ATP1B2: variants seen among roughly 807,000 people sequenced by gnomAD.
ATP1B2 encodes the protein sodium/potassium-transporting ATPase subunit beta-2.
In ATP1B2, 12 loss-of-function variants were observed where a neutral mutation model predicts 37.3. The observed-to-expected ratio is 0.32, with a 90% CI of 0.21 to 0.52. The LOEUF (loss-of-function observed/expected upper bound fraction) is 0.52, where lower values mean the gene tolerates loss of function less well. Among genes scored for constraint, ATP1B2 ranks in the 20% least tolerant of loss-of-function variants. The pLI is 0.96. For synonymous variants in ATP1B2, 139 were observed against 140.5 expected (o/e 0.99, Z 0.07); for missense variants, 324 against 391.6 (o/e 0.83, Z 1.46).
At position 7,651,164 on chromosome 17, in the gene ATP1B2, T is replaced by G; in HGVS notation, c.-355T>G. The G allele has an allele frequency of 4.1e-6, 1 of 244,920 alleles. No individual in the cohort carries two copies. The highest frequency in any genetic ancestry group is 8.1e-6 in the Non-Finnish European group (1 of 123,662). 15.2% of individuals were successfully genotyped at this position (244,920 alleles called of 1,614,324 possible). ...GCTTTTTTTCTGCGTTCTGCTCGGT[T>G]TTTGTAGCCGTCTGTTTTTGCACCC... is the stretch of plus-strand genomic sequence containing the variant. On this transcript the variant is annotated 5_prime_UTR_variant, in exon 1 of 7. Coordinates refer to ENST00000250111, the MANE Select transcript of ATP1B2 (RefSeq NM_001678.5).
Position 7,654,691 on chromosome 17 carries a change from T to G in ATP1B2, c.609+7T>G. ...TGTTACCTGTGCTGGGAAGGTGAGT[T>G]CGTTGGGCCTTGTCTGCCTGCTCAC... On this transcript the variant is annotated splice_region_variant and intron_variant, in intron 5 of 6. Transcript: ENST00000250111. The surrounding 1 kb of genome is among the most constrained non-coding windows in gnomAD (Gnocchi z 4.9). 1 of 1,614,110 alleles carries G rather than the reference T, an allele frequency of 6.2e-7. No homozygotes were observed. The highest frequency in any genetic ancestry group is 1.1e-5 in the South Asian group (1 of 91,086).
upstream of ATP1B2, among the ~76,000 whole-genome samples, chr17:7,649,631 C>T (rs1046749186): frequency 1.3e-5 from 2 of 151,776 alleles, no homozygotes; most frequent in African/African-American, 4.8e-5. Flanking sequence ...CGGCTCACTG[C>T]AAGCTCCGCC....
At chr17:7,648,890 C>T (rs979356002), upstream of ATP1B2, among the ~76,000 whole-genome samples, 1 of 152,094 alleles carries the variant, frequency 6.6e-6, no homozygotes, top group African/African-American at 2.4e-5. Flanking sequence ...ACCTCCTTTC[C>T]CACTAGTCTC....
In ATP1B2 at chr17:7,653,422, T is replaced by C. The variant is rs201156907; in HGVS notation, c.161T>C (p.Met54Thr). ...GTTTTTTATGGGTTCCTCACCGCCA[T>C]GTTCACCCTCACCATGTGGGTGATG... Reference protein sequence around the residue: ...YLVFYGFLTAMFTLTMWVMLQ... With the variant: ...YLVFYGFLTATFTLTMWVMLQ... Residue 54 changes from methionine (M) to threonine (T), a missense_variant, in exon 2 of 7, where the codon ATG becomes ACG. Met to Thr is a moderately conservative substitution (Grantham distance 81). Transcript: ENST00000250111. 1.2e-6 allele frequency: 2 copies of C among 1,614,094 alleles called. No homozygotes were observed. The highest frequency in any genetic ancestry group is 2.2e-5 in the East Asian group (1 of 44,882).
chr17:7,653,709 A>G, intron 2 of ATP1B2, 132 bp from the exon 3 acceptor site: 1 of 1,231,074 alleles, frequency 8.1e-7, no homozygotes, highest in Non-Finnish European at 1.1e-6. Flanking sequence ...ACAGGAGATC[A>G]CCCTCCCATG....
At chr17:7,652,185 C>T (rs2072618632) in intron 1 of ATP1B2, among the ~76,000 whole-genome samples, 1 of 152,000 alleles carries the variant, frequency 6.6e-6, no homozygotes, top group African/African-American at 2.4e-5. Flanking sequence ...TGAGTTTTAC[C>T]GAGGCTGCAG....
At chr17:7,649,558 T>A (rs1282746606), upstream of ATP1B2, among the ~76,000 whole-genome samples, 1 of 150,790 alleles carries the variant, frequency 6.6e-6, no homozygotes, top group Admixed American at 6.6e-5. Context: ...CAGCTAATTT[T>A]TTTTTTTTTT....
chr17:7,647,880 C>T (rs188205764), upstream of ATP1B2, among the ~76,000 whole-genome samples: 1 of 151,988 alleles, frequency 6.6e-6, no homozygotes, highest in African/African-American at 2.4e-5. Context: ...CATGAGAAAG[C>T]CAGGTGTGGT....
chr17:7,653,229 C>A, intron 1 of ATP1B2, 145 bp from the exon 2 acceptor site: 1 of 1,232,526 alleles, frequency 8.1e-7, no homozygotes, highest in Non-Finnish European at 1.1e-6. Context: ...TCTCATTTTG[C>A]CTCCAGAGGA....
At chr17:7,648,284 G>A (rs147079565), upstream of ATP1B2, among the ~76,000 whole-genome samples, 211 of 151,916 alleles carry the variant, frequency 1.4e-3, 1 homozygote, top group African/African-American at 4.9e-3. Context: ...TGGATGAAAG[G>A]AAAATAGTTT....
chr17:7,656,853 A>AT lies in ATP1B2; in HGVS notation c.*964dup, dbSNP rs1286650756. On this transcript the variant is annotated 3_prime_UTR_variant, in exon 7 of 7. Transcript: ENST00000250111. The stretch of plus-strand genomic sequence containing the variant: ...TTTCTTTCTTTTTTTTTTTTTTTGC[A>AT]TTTTTTAGTAGAGATGGGGGTTTCT... 1 of 82,606 alleles carries AT rather than the reference A, an allele frequency of 1.2e-5. No homozygotes were observed. Among genetic ancestry groups the AT allele is most frequent in the African/African-American group, 4.1e-5 (1 of 24,180 alleles). The allele number at this position is 82,606 out of a possible 1,614,324, so 5.1% of individuals were successfully genotyped here. A position where few individuals can be genotyped will look rare whatever the true frequency, so the allele number is the denominator to read the frequency against.
chr17:7,649,264 G>T (rs2072593935), upstream of ATP1B2, among the ~76,000 whole-genome samples: 3 of 151,686 alleles, frequency 2.0e-5, no homozygotes, highest in Admixed American at 2.0e-4. Flanking sequence ...TGTTGGCCAG[G>T]CTGGTCTTGA....
chr17:7,655,920 T>C lies in ATP1B2; in HGVS notation c.*25T>C. On this transcript the variant is annotated 3_prime_UTR_variant, in exon 7 of 7. Transcript: ENST00000250111. The surrounding 1 kb of genome is among the most constrained non-coding windows in gnomAD (Gnocchi z 4.4). ...AGGCCCCTTCCTCCCACCCCATCTC[T>C]CTCCTGTGGATGCTCCTGGAATGTC... is the stretch of plus-strand genomic sequence containing the variant. The C allele has an allele frequency of 1.2e-6, 2 of 1,612,264 alleles. No homozygotes were observed. The highest frequency in any genetic ancestry group is 1.7e-6 in the Non-Finnish European group (2 of 1,179,118).
Position 7,654,485 on chromosome 17 carries a change from G to C in ATP1B2, c.553-143G>C, listed in dbSNP as rs554754603. 2 of 1,030,690 alleles carry C rather than the reference G, an allele frequency of 1.9e-6. No individual in the cohort carries two copies. The allele number at this position is 1,030,690 out of a possible 1,614,324, so 63.8% of individuals were successfully genotyped here. A position where few individuals can be genotyped will look rare whatever the true frequency, so the allele number is the denominator to read the frequency against. On this transcript the variant is annotated intron_variant, in intron 4 of 6. Transcript: ENST00000250111. The surrounding 1 kb of genome is among the most constrained non-coding windows in gnomAD (Gnocchi z 4.9). ...GGGTCTTGCTATGTTGCCCAGGCTG[G>C]CCTTGAACTCCTGGAATTAAGCTAT... is the stretch of plus-strand genomic sequence containing the variant.
In ATP1B2 at chr17:7,654,304, G is replaced by T. The variant is rs1467763284; in HGVS notation, c.552+47G>T. 6.3e-7 allele frequency: 1 copy of T among 1,591,942 alleles called. No homozygotes were observed. The highest frequency in any genetic ancestry group is 1.7e-5 in the Admixed American group (1 of 59,954). ...AGGGTGAATGGAGGAAGGATCTGGG[G>T]ACACCACCTGCAGACAATTGCATCC... On this transcript the variant is annotated intron_variant, in intron 4 of 6. Coordinates refer to ENST00000250111, the MANE Select transcript of ATP1B2 (RefSeq NM_001678.5). The surrounding 1 kb of genome is among the most constrained non-coding windows in gnomAD (Gnocchi z 4.9).
rs2072633448 is a variant in ATP1B2 at position 7,654,123 on chromosome 17, A to G, written c.418A>G (p.Asn140Asp). The change falls in exon 4 of 7, where the codon AAT becomes GAT. Residue 140 changes from asparagine (N) to aspartate (D), a missense_variant. Asn to Asp is a conservative substitution (Grantham distance 23, BLOSUM62 1). Transcript: ENST00000250111. This position sits in a 1 kb window ranked among gnomAD's most constrained non-coding sequence, Gnocchi z 4.9. The part of the protein sequence containing the change: ...RPGRYYEQPD[N>D]GVLNYPKRAC... The stretch of plus-strand genomic sequence containing the variant: ...TGGACGCTATTACGAACAGCCAGAT[A>G]ATGGAGTCCTCAACTACCCCAAACG... The G allele has an allele frequency of 6.2e-7, 1 of 1,614,172 alleles. No individual in the cohort carries two copies. Among genetic ancestry groups the G allele is most frequent in the Non-Finnish European group, 8.5e-7 (1 of 1,180,024 alleles).
intron 1 of ATP1B2, among the ~76,000 whole-genome samples, chr17:7,652,228 G>A (rs1395362138): frequency 6.6e-6 from 1 of 152,070 alleles, no homozygotes; most frequent in African/African-American, 2.4e-5. Flanking sequence ...GGAGGGAGGA[G>A]TGGTCGCTGT....
upstream of ATP1B2, among the ~76,000 whole-genome samples, chr17:7,650,579 T>C (rs2072603828): frequency 6.6e-6 from 1 of 152,154 alleles, no homozygotes; most frequent in Non-Finnish European, 1.5e-5. Context: ...CATCTGTATC[T>C]TAGTCTCTTT....
chr17:7,651,174 G>A lies in ATP1B2; in HGVS notation c.-345G>A, dbSNP rs2072609065. On this transcript the variant is annotated 5_prime_UTR_variant, in exon 1 of 7. Transcript: ENST00000250111. The stretch of plus-strand genomic sequence containing the variant: ...TGCGTTCTGCTCGGTTTTTGTAGCC[G>A]TCTGTTTTTGCACCCCATTTCGTTT... 4.2e-6 allele frequency: 1 copy of A among 238,544 alleles called. No individual in the cohort carries two copies. Among genetic ancestry groups the A allele is most frequent in the South Asian group, 4.6e-5 (1 of 21,726 alleles). 14.8% of individuals were successfully genotyped at this position (238,544 alleles called of 1,614,324 possible). A position where few individuals can be genotyped will look rare whatever the true frequency, so the allele number is the denominator to read the frequency against.
Sources: gnomAD v4.1 joint callset for allele counts (sites outside exome capture counted in the v4.1 genomes callset) on GRCh38, gnomAD v4.1.1 for gene constraint, Gnocchi (gnomAD v3.1) non-coding constraint, MANE v1.5 for transcripts, NCBI Gene and HGNC (gene_info 2026-07-23, HGNC 2026-07-21) for gene names.